GNB1L: variants seen among roughly 807,000 people sequenced by gnomAD.
The protein encoded by GNB1L is guanine nucleotide-binding protein subunit beta-like protein 1.
In GNB1L, 20 loss-of-function variants were observed where a neutral mutation model predicts 29.1. That is an observed-to-expected ratio of 0.69 (90% CI 0.48 to 1.00). The LOEUF is 1.00. Among genes scored for constraint, GNB1L ranks in the 50% least tolerant of loss-of-function variants. The pLI is 0.00. For synonymous variants in GNB1L, 193 were observed against 206.5 expected (o/e 0.93, Z 0.56); for missense variants, 421 against 464.9 (o/e 0.91, Z 0.87).
intron 7 of GNB1L, among the ~76,000 whole-genome samples, chr22:19,795,779 G>T (rs1225174568): frequency 6.6e-6 from 1 of 152,218 alleles, no homozygotes. Context: ...GCAGCCCAGG[G>T]AGGTGGCAGG....
chr22:19,812,790 G>A (rs1318255023), intron 4 of GNB1L, among the ~76,000 whole-genome samples: 4 of 152,184 alleles, frequency 2.6e-5, no homozygotes, highest in Admixed American at 6.5e-5. Context: ...AACTCCCAGG[G>A]TGCCAGGATC....
chr22:19,843,586 G>C (rs1207569616), intron 2 of GNB1L, among the ~76,000 whole-genome samples: 1 of 152,182 alleles, frequency 6.6e-6, no homozygotes, highest in Admixed American at 6.5e-5. Flanking sequence ...GGAGAAGAAA[G>C]CACCTCCAGG....
At position 19,825,932 on chromosome 22, in the gene GNB1L, T is replaced by C. The variant is rs140030948; in HGVS notation, c.-20-4557A>G. On this transcript the variant is annotated intron_variant, in intron 2 of 7. Coordinates refer to ENST00000329517, the MANE Select transcript of GNB1L (RefSeq NM_053004.3). ...ACAATCACACCACGGCACTCCAGCC[T>C]GGACAGCAGAACAAGACCCTGTCTC... Among the ~76,000 whole-genome samples, 756 of 152,344 alleles carry C rather than the reference T, an allele frequency of 5.0e-3. 8 individuals carry two copies. The highest frequency in any genetic ancestry group is 0.018 in the African/African-American group (734 of 41,578).
rs34331843 is a variant in GNB1L at position 19,847,804 on chromosome 22, C to CAAAAAAAAAAAAAA, written c.-21+6625_-21+6638dup. On this transcript the variant is annotated intron_variant, in intron 2 of 7. Coordinates refer to ENST00000329517, the MANE Select transcript of GNB1L (RefSeq NM_053004.3). The stretch of plus-strand genomic sequence containing the variant: ...ACTTTTAAAATCCTGGAATCATAGG[C>CAAAAAAAAAAAAAA]AAAAAAAAAAAAAAAAAAAAATTCA... The CAAAAAAAAAAAAAA allele has an allele frequency of 5.6e-4, 344 of 612,020 alleles. 4 individuals are homozygous for CAAAAAAAAAAAAAA. Among genetic ancestry groups the CAAAAAAAAAAAAAA allele is most frequent in the Admixed American group, 1.0e-3 (9 of 8,598 alleles). 37.9% of individuals were successfully genotyped at this position (612,020 alleles called of 1,614,324 possible). A position where few individuals can be genotyped will look rare whatever the true frequency, so the allele number is the denominator to read the frequency against.
At chr22:19,851,371 G>C (rs146626259) in intron 2 of GNB1L, 1 of 1,614,138 alleles carries the variant, frequency 6.2e-7, no homozygotes, top group Non-Finnish European at 8.5e-7. Context: ...GGACAGGTGT[G>C]GGGGCTGCCT....
intron 5 of GNB1L, among the ~76,000 whole-genome samples, chr22:19,811,447 C>T (rs1399911519): frequency 3.3e-5 from 5 of 152,114 alleles, no homozygotes; most frequent in Admixed American, 1.3e-4. Flanking sequence ...GTGGGACAGT[C>T]GCCACTCAAA....
Position 19,847,120 on chromosome 22 carries a change from A to G in GNB1L, c.-21+7323T>C, listed in dbSNP as rs145638138. The stretch of plus-strand genomic sequence containing the variant: ...CACAGAAATGGAAGTGGGGTGACAC[A>G]CATTACTTGTGGCCTGCTGTGGCCT... On this transcript the variant is annotated intron_variant, in intron 2 of 7. Coordinates refer to ENST00000329517, the MANE Select transcript of GNB1L (RefSeq NM_053004.3). 194 of 985,416 alleles carry G rather than the reference A, an allele frequency of 2.0e-4. 4 individuals are homozygous for G. In the East Asian group the frequency reaches 0.016, roughly 81 times the overall value. 61.0% of individuals were successfully genotyped at this position (985,416 alleles called of 1,614,324 possible). A position where few individuals can be genotyped will look rare whatever the true frequency, so the allele number is the denominator to read the frequency against.
At chr22:19,842,865 C>A (rs967566081) in intron 2 of GNB1L, among the ~76,000 whole-genome samples, 1 of 152,236 alleles carries the variant, frequency 6.6e-6, no homozygotes, top group African/African-American at 2.4e-5. Flanking sequence ...GCAGCCACAG[C>A]CCTGGCCATG....
chr22:19,838,628 C>T (rs1331295285), intron 2 of GNB1L, among the ~76,000 whole-genome samples: 2 of 152,096 alleles, frequency 1.3e-5, no homozygotes, highest in African/African-American at 2.4e-5. Flanking sequence ...TGCCACCGCG[C>T]CCGGCTAATT....
rs761875223 is a variant in GNB1L, at chr22:19,815,035, C to CA, written c.255-2589dup. Among the ~76,000 whole-genome samples, 609 of 104,664 alleles carry CA rather than the reference C, an allele frequency of 5.8e-3. 3 individuals carry two copies. The highest frequency in any genetic ancestry group is 0.026 in the Middle Eastern group (5 of 194). The allele number at this position is 104,664 out of a possible 152,430, so 68.7% of individuals were successfully genotyped here. A position where few individuals can be genotyped will look rare whatever the true frequency, so the allele number is the denominator to read the frequency against. ...TTGGTGACAAAGCAAGACCCTGCCT[C>CA]AAAAAAAAAAAAAAGACCAAAATGT... On this transcript the variant is annotated intron_variant, in intron 4 of 7. Coordinates refer to ENST00000329517, the MANE Select transcript of GNB1L (RefSeq NM_053004.3).
chr22:19,848,146 T>G, intron 2 of GNB1L: 2 of 985,352 alleles, frequency 2.0e-6, no homozygotes, highest in Non-Finnish European at 2.4e-6. Flanking sequence ...ATTTTAAAGT[T>G]TTCCTTGCAG....
intron 7 of GNB1L, among the ~76,000 whole-genome samples, chr22:19,789,498 T>G: frequency 2.8e-5 from 4 of 141,494 alleles, no homozygotes; most frequent in South Asian, 2.4e-4. Context: ...CAGTGGGGGG[T>G]TGGCAGGATG....
At chr22:19,802,885 T>A (rs1937391503) in intron 6 of GNB1L, among the ~76,000 whole-genome samples, 1 of 152,238 alleles carries the variant, frequency 6.6e-6, no homozygotes, top group South Asian at 2.1e-4. Context: ...TTGTTAAGCC[T>A]CTGGAATAAT....
intron 5 of GNB1L, among the ~76,000 whole-genome samples, chr22:19,809,676 T>G (rs1601329413): frequency 6.6e-6 from 1 of 152,138 alleles, no homozygotes; most frequent in Non-Finnish European, 1.5e-5. Flanking sequence ...CCCTAGAAGT[T>G]TGAGCAGTGG....
chr22:19,849,067 G>A, intron 2 of GNB1L: 9 of 985,448 alleles, frequency 9.1e-6, no homozygotes, highest in Non-Finnish European at 1.1e-5. Flanking sequence ...GGGCAGCTGT[G>A]ACCTGGCACA....
intron 2 of GNB1L, among the ~76,000 whole-genome samples, chr22:19,843,344 C>A (rs1045819035): frequency 6.6e-6 from 1 of 152,276 alleles, no homozygotes; most frequent in African/African-American, 2.4e-5. Context: ...AGCGCCCAGG[C>A]GGGCAGGGAG....
At chr22:19,828,043 A>G (rs527848804) in intron 2 of GNB1L, among the ~76,000 whole-genome samples, 7 of 152,366 alleles carry the variant, frequency 4.6e-5, no homozygotes, top group Admixed American at 4.6e-4. Flanking sequence ...CATAATTCTC[A>G]TCAAGAGACA....
chr22:19,850,704 G>A, intron 2 of GNB1L: 1 of 1,234,430 alleles, frequency 8.1e-7, no homozygotes. Flanking sequence ...AGCAGAGAGG[G>A]TGGGGCTAGG....
chr22:19,846,708 A>T, intron 2 of GNB1L: 1 of 367,208 alleles, frequency 2.7e-6, no homozygotes, highest in Non-Finnish European at 3.8e-6. Flanking sequence ...GATCCAATAG[A>T]CTAGTGAGCT....
Sources: gnomAD v4.1 joint callset for allele counts (sites outside exome capture counted in the v4.1 genomes callset) on GRCh38, gnomAD v4.1.1 for gene constraint, MANE v1.5 for transcripts, NCBI Gene and HGNC (gene_info 2026-07-23, HGNC 2026-07-21) for gene names.